TBC1D16: variants seen among roughly 807,000 people sequenced by gnomAD.
The protein encoded by TBC1D16 is TBC1 domain family member 16, also known as CTD-2529O21.1.
In TBC1D16, 58 loss-of-function variants were observed where a neutral mutation model predicts 74.7. The observed-to-expected ratio is 0.78, with a 90% CI of 0.63 to 0.97. The LOEUF is 0.97. Among genes scored for constraint, TBC1D16 ranks in the 50% least tolerant of loss-of-function variants. The pLI is 0.00. For synonymous variants in TBC1D16, 493 were observed against 474.7 expected (o/e 1.04, Z -0.50); for missense variants, 1,014 against 1,079.5 (o/e 0.94, Z 0.85).
At chr17:80,002,172 GC>G (rs970238096) in intron 3 of TBC1D16, among the ~76,000 whole-genome samples, 21 of 152,256 alleles carry the variant, frequency 1.4e-4, no homozygotes, top group African/African-American at 3.9e-4. Flanking sequence ...CTGGGTCCTG[GC>G]CCACCAAGCG....
intron 3 of TBC1D16, among the ~76,000 whole-genome samples, chr17:79,963,948 T>G (rs115353859): frequency 0.02 from 2,988 of 151,682 alleles, 100 homozygotes; most frequent in African/African-American, 0.068. Flanking sequence ...TTTTTGTTTG[T>G]TTGGTTGTTT....
At chr17:80,015,018 A>G (rs1213571028) in intron 1 of TBC1D16, among the ~76,000 whole-genome samples, 1 of 152,220 alleles carries the variant, frequency 6.6e-6, no homozygotes. Context: ...GTTTCTACCA[A>G]CAAAAATGAA....
rs1372383482 is a variant in TBC1D16, at chr17:80,023,663, C to A, written c.-62-10054G>T. Among the ~76,000 whole-genome samples the A allele has an allele frequency of 3.5e-5, 5 of 142,996 alleles. 1 individual carries two copies. Among genetic ancestry groups the A allele is most frequent in the African/African-American group, 1.1e-4 (4 of 35,384 alleles). The allele number at this position is 142,996 out of a possible 152,430, so 93.8% of individuals were successfully genotyped here. On this transcript the variant is annotated intron_variant, in intron 1 of 11. Transcript: ENST00000310924. ...GAGCGAGAACTGCTGCCGGGCCCCC[C>A]CCCACCGGCTCAGGGCGTGGCTGGG...
At chr17:80,020,547 T>C (rs2036250384) in intron 1 of TBC1D16, among the ~76,000 whole-genome samples, 2 of 149,548 alleles carry the variant, frequency 1.3e-5, no homozygotes, top group Non-Finnish European at 1.5e-5. Context: ...ATGGCGCCAC[T>C]GCACTCCAGC....
chr17:79,999,974 C>A (rs1030210681), intron 3 of TBC1D16, among the ~76,000 whole-genome samples: 3 of 152,092 alleles, frequency 2.0e-5, no homozygotes, highest in Non-Finnish European at 4.4e-5. Flanking sequence ...CTCTAGGGGT[C>A]GACGAGGCTG....
At chr17:80,004,152 G>A (rs1413022843) in intron 3 of TBC1D16, among the ~76,000 whole-genome samples, 1 of 152,218 alleles carries the variant, frequency 6.6e-6, no homozygotes, top group African/African-American at 2.4e-5. Flanking sequence ...CCATTTCAAG[G>A]GTTCAAGAGC....
chr17:79,977,118 T>C (rs1031850115), intron 3 of TBC1D16, among the ~76,000 whole-genome samples: 5 of 152,186 alleles, frequency 3.3e-5, no homozygotes, highest in Admixed American at 3.3e-4. Flanking sequence ...TCCACCAGAA[T>C]ATCCTACTTT....
In TBC1D16 at chr17:79,950,638, GCAGTGCTTTTCC is replaced by G. The variant is rs1211242050; in HGVS notation, c.1090-72_1090-61del. On this transcript the variant is annotated intron_variant, in intron 5 of 11. Transcript: ENST00000310924. This position sits in a 1 kb window ranked among gnomAD's most constrained non-coding sequence, Gnocchi z 4.6. ...CTCAGCCGCGCGGCTTCAGAGGCCA[GCAGTGCTTTTCC>G]CAGGAATAAAAGCCTCTCTCTCTTC... 2 of 1,581,042 alleles carry G rather than the reference GCAGTGCTTTTCC, an allele frequency of 1.3e-6. No homozygotes were observed. Among genetic ancestry groups the G allele is most frequent in the Non-Finnish European group, 1.7e-6 (2 of 1,163,616 alleles).
chr17:79,948,845 G>T (rs1488466861), intron 8 of TBC1D16, 27 bp downstream of exon 8: 2 of 1,613,812 alleles, frequency 1.2e-6, no homozygotes, highest in African/African-American at 2.7e-5. Flanking sequence ...TTGCAGATGG[G>T]AAAGGAGCTG....
rs973020297 is a variant in TBC1D16, at chr17:79,983,754, C to T, written c.779+26406G>A. ...AGTGGAGCACTGGCCTCCTAGGAAG[C>T]TCTAGTTCAGACACAGGGGGCGCTG... On this transcript the variant is annotated intron_variant, in intron 3 of 11. Coordinates refer to ENST00000310924, the MANE Select transcript of TBC1D16 (RefSeq NM_019020.4). This position sits in a 1 kb window ranked among gnomAD's most constrained non-coding sequence, Gnocchi z 5.6. Among the ~76,000 whole-genome samples the T allele has an allele frequency of 1.3e-5, 2 of 152,100 alleles. No individual in the cohort carries two copies. The highest frequency in any genetic ancestry group is 2.9e-5 in the Non-Finnish European group (2 of 67,992).
At chr17:80,029,363 C>G (rs2036697057) in intron 1 of TBC1D16, among the ~76,000 whole-genome samples, 1 of 152,116 alleles carries the variant, frequency 6.6e-6, no homozygotes, top group South Asian at 2.1e-4. Context: ...ACTGGCCAGG[C>G]TGTTGGGTTG....
In TBC1D16 at chr17:79,941,221, G is replaced by T. The variant is rs2031949981; in HGVS notation, c.2056-114C>A. Reference sequence around the variant, plus strand: ...CAGCAACAACGGCCTGCACCTCGGGGGCTCACCGAGTCCTGGACTGAGGGC... The same window carrying T: ...CAGCAACAACGGCCTGCACCTCGGGTGCTCACCGAGTCCTGGACTGAGGGC... On this transcript the variant is annotated intron_variant, in intron 11 of 11. Transcript: ENST00000310924. The surrounding 1 kb of genome is among the most constrained non-coding windows in gnomAD (Gnocchi z 4.3). The T allele has an allele frequency of 9.6e-7, 1 of 1,045,162 alleles. No individual in the cohort carries two copies. The highest frequency in any genetic ancestry group is 1.4e-6 in the Non-Finnish European group (1 of 730,194). 64.7% of individuals were successfully genotyped at this position (1,045,162 alleles called of 1,614,324 possible). A position where few individuals can be genotyped will look rare whatever the true frequency, so the allele number is the denominator to read the frequency against.
chr17:79,968,842 C>CAAAAAAAAAAAAAAAAAAAA (rs34365366), intron 3 of TBC1D16, among the ~76,000 whole-genome samples: 1 of 55,392 alleles, frequency 1.8e-5, no homozygotes, highest in African/African-American at 7.9e-5. Flanking sequence ...GATGCCGTCT[C>CAAAAAAAAAAAAAAAAAAAA]AAAAAAAAAA....
At position 79,979,618 on chromosome 17, in the gene TBC1D16, T is replaced by C. The variant is rs1042995426; in HGVS notation, c.780-26800A>G. Among the ~76,000 whole-genome samples, 3 of 152,014 alleles carry C rather than the reference T, an allele frequency of 2.0e-5. No individual in the cohort carries two copies. Among genetic ancestry groups the C allele is most frequent in the Admixed American group, 2.0e-4 (3 of 15,264 alleles). On this transcript the variant is annotated intron_variant, in intron 3 of 11. Coordinates refer to ENST00000310924, the MANE Select transcript of TBC1D16 (RefSeq NM_019020.4). This position sits in a 1 kb window ranked among gnomAD's most constrained non-coding sequence, Gnocchi z 4.8. ...CCTGTCGCAGGTCCAGGTTATTCGG[T>C]GCCATAAAAAGGCACACGTCGACCT...
In TBC1D16 at chr17:80,009,280, G is replaced by C. The variant is rs910418266; in HGVS notation, c.779+880C>G. Among the ~76,000 whole-genome samples the C allele has an allele frequency of 4.6e-5, 7 of 152,226 alleles. No individual in the cohort carries two copies. The highest frequency in any genetic ancestry group is 1.7e-4 in the African/African-American group (7 of 41,462). On this transcript the variant is annotated intron_variant, in intron 3 of 11. Transcript: ENST00000310924. The surrounding 1 kb of genome is among the most constrained non-coding windows in gnomAD (Gnocchi z 5.4). ...CATTATTTGCCCAGAAATCTAATGAGCGTAAGGACCACAGCCGGGGCATAG... is the reference window on the plus strand; with the variant it reads ...CATTATTTGCCCAGAAATCTAATGACCGTAAGGACCACAGCCGGGGCATAG...
rs747142711 is a variant in TBC1D16 at position 79,952,831 on chromosome 17, G to A, written c.780-13C>T. 1.9e-6 allele frequency: 3 copies of A among 1,594,228 alleles called. No homozygotes were observed. In the South Asian group the frequency reaches 3.3e-5, roughly 18 times the overall value. On this transcript the variant is annotated splice_polypyrimidine_tract_variant and intron_variant, in intron 3 of 11. Transcript: ENST00000310924. ...GCTGGACGGGGGGCTGGTGGAACAG[G>A]TTATGTGATGATCGCCACACTTCTC...
chr17:80,006,009 C>T (rs1421382918), intron 3 of TBC1D16, among the ~76,000 whole-genome samples: 4 of 152,130 alleles, frequency 2.6e-5, no homozygotes, highest in Non-Finnish European at 5.9e-5. Flanking sequence ...AGCCAGCCTA[C>T]CTGCTCTGCC....
chr17:80,003,429 C>A (rs1315030472), intron 3 of TBC1D16, among the ~76,000 whole-genome samples: 2 of 152,158 alleles, frequency 1.3e-5, no homozygotes, highest in African/African-American at 4.8e-5. Context: ...CGGCACGGGA[C>A]CCAAGGTGGC....
chr17:79,942,203 C>T lies in TBC1D16; in HGVS notation c.1912G>A (p.Asp638Asn). ...ACGCAGATGAAAAGGTGGAAGTAGTCCGTCTGTGGAGGCGGGTAGAGTTCA... is the reference window on the plus strand; with the variant it reads ...ACGCAGATGAAAAGGTGGAAGTAGTTCGTCTGTGGAGGCGGGTAGAGTTCA... Reference protein sequence around the residue: ...WEACWAHYQTDYFHLFICVAI... With the variant: ...WEACWAHYQTNYFHLFICVAI... Residue 638 changes from aspartate (D) to asparagine (N), a missense_variant, in exon 11 of 12, where the codon GAC (aspartate) becomes AAC (asparagine). By Grantham distance (23) the Asp-to-Asn change is conservative. Transcript: ENST00000310924. 1 of 1,597,606 alleles carries T rather than the reference C, an allele frequency of 6.3e-7. No individual in the cohort carries two copies. The highest frequency in any genetic ancestry group is 8.5e-7 in the Non-Finnish European group (1 of 1,172,100).
Sources: allele counts gnomAD v4.1 joint callset (sites outside exome capture counted in the v4.1 genomes callset), GRCh38; gene constraint gnomAD v4.1.1; non-coding constraint Gnocchi (gnomAD v3.1); transcripts MANE v1.5; gene names NCBI Gene and HGNC (gene_info 2026-07-23, HGNC 2026-07-21).